The following LRFN2 variants were observed in gnomAD, a reference collection of about 807,000 sequenced individuals.
LRFN2 encodes leucine-rich repeat and fibronectin type-III domain-containing protein 2.
LRFN2 carries 18 observed loss-of-function variants against 37.3 expected under a neutral mutation model. That is an observed-to-expected ratio of 0.48 (90% CI 0.33 to 0.72). LRFN2 has a LOEUF of 0.72. LRFN2 is among the 30% of genes least tolerant of loss of function. LRFN2 has a pLI of 0.02. For synonymous variants in LRFN2, 556 were observed against 466.6 expected (o/e 1.19, Z -2.47); for missense variants, 1,006 against 1,060.7 (o/e 0.95, Z 0.72).
chr6:40,573,393 AG>A (rs1437921998), intron 1 of LRFN2, among the ~76,000 whole-genome samples: 4 of 152,248 alleles, frequency 2.6e-5, no homozygotes, highest in African/African-American at 9.6e-5. Flanking sequence ...TAGGTGACCC[AG>A]GGTGCATTAC....
At chr6:40,560,320 G>T (rs1766969242) in intron 1 of LRFN2, among the ~76,000 whole-genome samples, 1 of 152,108 alleles carries the variant, frequency 6.6e-6, no homozygotes, top group African/African-American at 2.4e-5. Flanking sequence ...AAGGTCTATA[G>T]GCTCTTCCCA....
intron 2 of LRFN2, among the ~76,000 whole-genome samples, chr6:40,413,325 G>A (rs1195552795): frequency 6.6e-6 from 1 of 152,168 alleles, no homozygotes. Context: ...AGGGAATCCC[G>A]TGACTGTCCG....
At chr6:40,544,379 T>G (rs1052844348) in intron 1 of LRFN2, among the ~76,000 whole-genome samples, 1 of 152,232 alleles carries the variant, frequency 6.6e-6, no homozygotes, top group African/African-American at 2.4e-5. Flanking sequence ...AGCTGTGATA[T>G]AAGCCAGCCT....
At chr6:40,398,816 C>G (rs1197149898) in intron 2 of LRFN2, among the ~76,000 whole-genome samples, 1 of 151,856 alleles carries the variant, frequency 6.6e-6, no homozygotes, top group Non-Finnish European at 1.5e-5. Flanking sequence ...CTTTCCTTTT[C>G]TGTTAATATT....
At position 40,391,799 on chromosome 6, in the gene LRFN2, G is replaced by C; in HGVS notation, c.*144C>G. The C allele has an allele frequency of 1.3e-6, 1 of 771,918 alleles. No individual in the cohort carries two copies. Among genetic ancestry groups the C allele is most frequent in the East Asian group, 3.3e-5 (1 of 30,456 alleles). The allele number at this position is 771,918 out of a possible 1,614,324, so 47.8% of individuals were successfully genotyped here. On this transcript the variant is annotated 3_prime_UTR_variant, in exon 3 of 3. Transcript: ENST00000338305. ...GAGGTGATGTGGGTGTTGCGGGGTAGGGGGGGACACGAGGCCATTGACAGG... is the reference window on the plus strand; with the variant it reads ...GAGGTGATGTGGGTGTTGCGGGGTACGGGGGGACACGAGGCCATTGACAGG...
intron 2 of LRFN2, among the ~76,000 whole-genome samples, chr6:40,403,815 C>T (rs1762791325): frequency 6.6e-6 from 1 of 152,220 alleles, no homozygotes; most frequent in Admixed American, 6.5e-5. Context: ...AACCCTGCTC[C>T]TGCTCCCAGT....
chr6:40,422,372 A>G (rs1447695679), intron 2 of LRFN2, among the ~76,000 whole-genome samples: 1 of 152,184 alleles, frequency 6.6e-6, no homozygotes, highest in African/African-American at 2.4e-5. Flanking sequence ...TGCTGAATGC[A>G]TGTCAAAATC....
intron 2 of LRFN2, among the ~76,000 whole-genome samples, chr6:40,430,823 T>G (rs528845602): frequency 6.6e-6 from 1 of 152,124 alleles, no homozygotes; most frequent in Non-Finnish European, 1.5e-5. Context: ...GGGGCTCACA[T>G]GATGTGGTCT....
chr6:40,524,616 C>T (rs889345707), intron 1 of LRFN2, among the ~76,000 whole-genome samples: 1 of 152,178 alleles, frequency 6.6e-6, no homozygotes, highest in Non-Finnish European at 1.5e-5. Context: ...TGTTGGCAAC[C>T]CAACCAGCCT....
chr6:40,551,019 A>G lies in LRFN2; in HGVS notation c.-19+35922T>C, dbSNP rs543859769. Among the ~76,000 whole-genome samples, 4 of 152,262 alleles carry G rather than the reference A, an allele frequency of 2.6e-5. No individual in the cohort carries two copies. In the South Asian group the frequency reaches 8.3e-4, roughly 32 times the overall value. On this transcript the variant is annotated intron_variant, in intron 1 of 2. Transcript: ENST00000338305. ...TTGCCTTCAAGAGATGCGTCATAAA[A>G]TCTCCAGATGTCGGTGTAGGGCCTC...
rs1581805376 is a variant in LRFN2, at chr6:40,581,096, C to CCAGTTACAGTGTT, written c.-19+5844_-19+5845insAACACTGTAACTG. 2.0e-5 allele frequency among the ~76,000 whole-genome samples: 3 copies of CCAGTTACAGTGTT among 152,204 alleles called. No individual in the cohort carries two copies. In the East Asian group the frequency reaches 5.8e-4, roughly 29 times the overall value. On this transcript the variant is annotated intron_variant, in intron 1 of 2. Coordinates refer to ENST00000338305, the MANE Select transcript of LRFN2 (RefSeq NM_020737.3). ...TCATTCAGACGGCAGCCCTGGGATC[C>CCAGTTACAGTGTT]TGGTCATTCCAAACGAAACCCAGTT...
chr6:40,460,955 G>T (rs1005955189), intron 1 of LRFN2, among the ~76,000 whole-genome samples: 3 of 152,198 alleles, frequency 2.0e-5, no homozygotes, highest in Non-Finnish European at 4.4e-5. Flanking sequence ...AGGGGAGAGG[G>T]TAGGCTATTG....
Position 40,432,491 on chromosome 6 carries a change from C to A in LRFN2, c.623G>T (p.Arg208Leu). The A allele has an allele frequency of 6.2e-7, 1 of 1,614,190 alleles. No homozygotes were observed. The highest frequency in any genetic ancestry group is 1.7e-5 in the Admixed American group (1 of 60,024). Residue 208 changes from arginine to leucine, a missense_variant, in exon 2 of 3, where the codon CGG becomes CTG. Physicochemically the swap from Arg to Leu is moderately radical, Grantham distance 102 (BLOSUM62 -2). Transcript: ENST00000338305. The part of the protein sequence containing the change: ...KLARLDLTSN[R>L]LQKLPPDPIF... ...GGGATCAGGGGGCAGCTTCTGCAGC[C>A]GATTGGAGGTGAGATCCAGGCGGGC...
intron 1 of LRFN2, among the ~76,000 whole-genome samples, chr6:40,545,141 C>T (rs1412518059): frequency 2.0e-5 from 3 of 152,236 alleles, no homozygotes; most frequent in African/African-American, 7.2e-5. Context: ...GCAAAGTGCT[C>T]AGCATAAGTG....
intron 2 of LRFN2, among the ~76,000 whole-genome samples, chr6:40,399,174 G>A (rs1408222328): frequency 2.6e-5 from 4 of 151,732 alleles, no homozygotes; most frequent in Admixed American, 2.6e-4. Flanking sequence ...AGCTGCCAGG[G>A]TTCCAGCTCC....
At chr6:40,473,120 A>T (rs1236394479) in intron 1 of LRFN2, among the ~76,000 whole-genome samples, 1 of 152,032 alleles carries the variant, frequency 6.6e-6, no homozygotes, top group Non-Finnish European at 1.5e-5. Context: ...TTGCTCCCCA[A>T]GATAGGTGAT....
At chr6:40,396,703 TG>T (rs1762622003) in intron 2 of LRFN2, among the ~76,000 whole-genome samples, 1 of 138,504 alleles carries the variant, frequency 7.2e-6, no homozygotes, top group Admixed American at 8.7e-5. Context: ...TGTGTGTGTG[TG>T]TGTGTGTGTG....
chr6:40,521,607 C>G (rs1365244146), intron 1 of LRFN2, among the ~76,000 whole-genome samples: 2 of 152,192 alleles, frequency 1.3e-5, no homozygotes, highest in Non-Finnish European at 2.9e-5. Flanking sequence ...TAAACAGCAA[C>G]AAGATGCTCT....
At chr6:40,444,670 C>T (rs1435673919) in intron 1 of LRFN2, among the ~76,000 whole-genome samples, 2 of 152,120 alleles carry the variant, frequency 1.3e-5, no homozygotes, top group African/African-American at 4.8e-5. Context: ...CTCTTTGTGC[C>T]TCAGACTCCT....
Sources: allele counts gnomAD v4.1 joint callset (sites outside exome capture counted in the v4.1 genomes callset), GRCh38; gene constraint gnomAD v4.1.1; transcripts MANE v1.5; gene names NCBI Gene and HGNC (gene_info 2026-07-23, HGNC 2026-07-21).